The following SRGAP3 variants were observed in gnomAD, a reference collection of about 807,000 sequenced individuals.
SRGAP3 encodes the protein SLIT-ROBO Rho GTPase-activating protein 3.
Under a neutral mutation model 121.1 loss-of-function variants are expected in SRGAP3, and 39 were observed. The observed-to-expected ratio is 0.32, with a 90% CI of 0.25 to 0.42. The LOEUF is 0.42. SRGAP3 is among the 10% of genes least tolerant of loss of function. The pLI, the probability that SRGAP3 is intolerant of heterozygous loss-of-function variation, is 1.00. For missense variants in SRGAP3, 1,213 were observed against 1,470.6 expected (o/e 0.82, Z 2.86); for synonymous variants, 601 against 570.0 (o/e 1.05, Z -0.77).
intron 10 of SRGAP3, among the ~76,000 whole-genome samples, chr3:9,042,635 G>A (rs1196298874): frequency 1.3e-5 from 2 of 152,138 alleles, no homozygotes; most frequent in Admixed American, 6.6e-5. Context: ...AGAAAAGTTC[G>A]GTAAAACAGG....
chr3:9,044,412 T>G (rs1251808668), intron 10 of SRGAP3, among the ~76,000 whole-genome samples: 3 of 152,234 alleles, frequency 2.0e-5, no homozygotes, highest in African/African-American at 7.2e-5. Flanking sequence ...CTGGCAGAGA[T>G]GGAGCCGCGA....
At chr3:9,132,836 T>C (rs1245407580) in intron 1 of SRGAP3, among the ~76,000 whole-genome samples, 2 of 118,004 alleles carry the variant, frequency 1.7e-5, no homozygotes, top group African/African-American at 2.6e-5. Flanking sequence ...CATTTTTAAA[T>C]AGGAAATATA....
chr3:9,002,863 A>G (rs180902125), intron 18 of SRGAP3, among the ~76,000 whole-genome samples: 258 of 152,268 alleles, frequency 1.7e-3, no homozygotes, highest in African/African-American at 5.9e-3. Flanking sequence ...AATTCCTAGA[A>G]AGAAACAAAC....
intron 1 of SRGAP3, among the ~76,000 whole-genome samples, chr3:9,225,215 C>G (rs1398483022): frequency 6.6e-6 from 1 of 152,156 alleles, no homozygotes; most frequent in Non-Finnish European, 1.5e-5. Context: ...CAGAAACTGC[C>G]CAGCTCAGGA....
At chr3:9,034,503 C>A (rs1051524995) in intron 11 of SRGAP3, 11 of 152,272 alleles carry the variant, frequency 7.2e-5, no homozygotes, top group African/African-American at 2.7e-4. Context: ...CTCTAACCAA[C>A]TTCTCCTAGG....
chr3:9,065,991 GT>G (rs1182687707), intron 4 of SRGAP3, among the ~76,000 whole-genome samples: 1 of 152,066 alleles, frequency 6.6e-6, no homozygotes, highest in African/African-American at 2.4e-5. Context: ...TAGAGACGGG[GT>G]TTTGCCATGT....
At chr3:9,255,677 G>C (rs1954116854) in intron 3 of SRGAP3, among the ~76,000 whole-genome samples, 1 of 152,116 alleles carries the variant, frequency 6.6e-6, no homozygotes, top group Admixed American at 6.5e-5. Context: ...ATGGCCCCAA[G>C]AGGTGAGCCC....
chr3:9,302,025 G>A (rs901957372), intron 3 of SRGAP3, among the ~76,000 whole-genome samples: 3 of 152,194 alleles, frequency 2.0e-5, no homozygotes, highest in Non-Finnish European at 4.4e-5. Flanking sequence ...CTGGTGAGTC[G>A]TCTTGCCGAG....
intron 1 of SRGAP3, among the ~76,000 whole-genome samples, chr3:9,204,753 G>A (rs1274237918): frequency 6.6e-6 from 1 of 152,140 alleles, no homozygotes; most frequent in Non-Finnish European, 1.5e-5. Flanking sequence ...GCAATCACAG[G>A]CCCTCCCTAC....
intron 6 of SRGAP3, 108 bp downstream of exon 6, chr3:9,060,123 T>C (rs761711420): frequency 1.3e-6 from 2 of 1,563,896 alleles, no homozygotes; most frequent in South Asian, 1.1e-5. Context: ...GAGCTGTGGC[T>C]ACCCGAGAAT....
chr3:9,258,418 C>T (rs1428626275), intron 3 of SRGAP3, among the ~76,000 whole-genome samples: 2 of 152,118 alleles, frequency 1.3e-5, no homozygotes, highest in East Asian at 1.9e-4. Flanking sequence ...GTGTGAGAAG[C>T]TTCCTAGGCT....
intron 15 of SRGAP3, 90 bp from the exon 16 acceptor site, chr3:9,013,932 A>C: frequency 8.4e-7 from 1 of 1,194,246 alleles, no homozygotes. Flanking sequence ...ATATCAACCC[A>C]CGTGGATGGG....
chr3:9,098,342 G>T (rs1394046932), intron 3 of SRGAP3, among the ~76,000 whole-genome samples: 1 of 152,198 alleles, frequency 6.6e-6, no homozygotes, highest in Non-Finnish European at 1.5e-5. Context: ...AGTGATCACA[G>T]CTCACAGCAG....
intron 14 of SRGAP3, 143 bp downstream of exon 14, chr3:9,025,118 G>T: frequency 1.2e-6 from 1 of 825,790 alleles, no homozygotes; most frequent in Non-Finnish European, 2.1e-6. Context: ...GGCACTGCAT[G>T]TGAAGTTGGG....
intron 3 of SRGAP3, among the ~76,000 whole-genome samples, chr3:9,311,223 T>C (rs1289244417): frequency 6.6e-6 from 1 of 151,502 alleles, no homozygotes; most frequent in African/African-American, 2.4e-5. Context: ...AAAGGACACC[T>C]GAATTTCCAG....
intron 1 of SRGAP3, among the ~76,000 whole-genome samples, chr3:9,231,244 TG>T (rs972264587): frequency 6.6e-6 from 1 of 152,128 alleles, no homozygotes; most frequent in African/African-American, 2.4e-5. Context: ...ACTGGTGATC[TG>T]GGGGGGCATT....
intron 3 of SRGAP3, among the ~76,000 whole-genome samples, chr3:9,286,158 ACAC>A (rs1954766106): frequency 1.4e-5 from 2 of 143,304 alleles, no homozygotes; most frequent in African/African-American, 2.6e-5. Context: ...ACACACACAC[ACAC>A]ATTTATCTGT....
intron 3 of SRGAP3, among the ~76,000 whole-genome samples, chr3:9,263,423 A>C (rs1459746356): frequency 1.3e-5 from 2 of 152,122 alleles, no homozygotes; most frequent in Non-Finnish European, 2.9e-5. Context: ...AAAATCAATG[A>C]ATCCAGGAGC....
intron 1 of SRGAP3, among the ~76,000 whole-genome samples, chr3:9,358,020 G>A (rs2030611370): frequency 6.6e-6 from 1 of 152,162 alleles, no homozygotes; most frequent in East Asian, 1.9e-4. Flanking sequence ...GATTAGAGAT[G>A]CACGCCACCA....
Sources: allele counts gnomAD v4.1 joint callset (sites outside exome capture counted in the v4.1 genomes callset), GRCh38; gene constraint gnomAD v4.1.1; transcripts MANE v1.5; gene names NCBI Gene and HGNC (gene_info 2026-07-23, HGNC 2026-07-21).